The following CCNJL variants were observed in gnomAD, a reference collection of about 807,000 sequenced individuals.
CCNJL encodes cyclin J like, also known as cyclin-J-like protein.
In CCNJL, 33 loss-of-function variants were observed where a neutral mutation model predicts 33.4. That is an observed-to-expected ratio of 0.99 (90% CI 0.75 to 1.32). CCNJL has a LOEUF of 1.32. Among genes scored for constraint, CCNJL ranks in the 40% most tolerant of loss-of-function variants. The pLI, the probability that CCNJL is intolerant of heterozygous loss-of-function variation, is 0.00. For synonymous variants in CCNJL, 227 were observed against 220.9 expected, an observed-to-expected ratio of 1.03 and a Z score of -0.24; for missense variants, 512 against 499.7, an observed-to-expected ratio of 1.02 and a Z score of -0.23.
chr5:160,311,724 G>T (rs141323689), intron 2 of CCNJL, 134 bp downstream of exon 2: 3 of 776,060 alleles, frequency 3.9e-6, no homozygotes, highest in Admixed American at 4.0e-5. Flanking sequence ...CACTCCGGGA[G>T]AAGGTAAAGG....
Position 160,303,700 on chromosome 5 carries a change from C to CTGTGTGTG in CCNJL, c.66+8150_66+8157dup, listed in dbSNP as rs551491563. ...TTTCTTAAACAAATCCTCTGTGTGT[C>CTGTGTGTG]TGTGTGTGTGTGTGTGTGTGTGTGT... On this transcript the variant is annotated intron_variant, in intron 2 of 5. Coordinates refer to ENST00000257536, the MANE Select transcript of CCNJL (RefSeq NM_001308173.3). Among the ~76,000 whole-genome samples the CTGTGTGTG allele has an allele frequency of 8.2e-3, 856 of 104,260 alleles. 7 individuals carry two copies. Among genetic ancestry groups the CTGTGTGTG allele is most frequent in the East Asian group, 0.02 (80 of 4,072 alleles). 68.4% of individuals were successfully genotyped at this position (104,260 alleles called of 152,430 possible). A position where few individuals can be genotyped will look rare whatever the true frequency, so the allele number is the denominator to read the frequency against.
intron 3 of CCNJL, chr5:160,274,848 A>ACAGGCT (rs1761956083): frequency 6.6e-6 from 1 of 152,360 alleles, no homozygotes; most frequent in African/African-American, 2.4e-5. Context: ...TTTCTCAGGG[A>ACAGGCT]CAGGCTCAGG....
chr5:160,336,964 TCCTC>T (rs1053485570), intron 1 of CCNJL, among the ~76,000 whole-genome samples: 1 of 151,144 alleles, frequency 6.6e-6, no homozygotes, highest in Non-Finnish European at 1.5e-5. Context: ...ATTTTTTTTT[TCCTC>T]CCTCCCTCCC....
chr5:160,282,415 A>G (rs1580981932), intron 2 of CCNJL, among the ~76,000 whole-genome samples: 1 of 152,248 alleles, frequency 6.6e-6, no homozygotes. Context: ...GGTTTCTTAG[A>G]TATGACACTA....
At chr5:160,260,801 C>G (rs1761293672) in intron 3 of CCNJL, among the ~76,000 whole-genome samples, 1 of 152,152 alleles carries the variant, frequency 6.6e-6, no homozygotes, top group African/African-American at 2.4e-5. Flanking sequence ...TTCCCCATCC[C>G]CTCCTCACTC....
chr5:160,265,230 G>C (rs985417815), intron 3 of CCNJL, among the ~76,000 whole-genome samples: 12 of 152,278 alleles, frequency 7.9e-5, no homozygotes, highest in African/African-American at 2.9e-4. Flanking sequence ...ACCCATTCAG[G>C]GCTACCTGCT....
intron 3 of CCNJL, among the ~76,000 whole-genome samples, chr5:160,265,626 C>T (rs756965602): frequency 1.9e-4 from 28 of 149,444 alleles, no homozygotes; most frequent in Non-Finnish European, 2.9e-4. Context: ...CAGAGTGAGA[C>T]TCCATCTCAA....
At chr5:160,287,836 G>A (rs544704814) in intron 2 of CCNJL, among the ~76,000 whole-genome samples, 12 of 152,182 alleles carry the variant, frequency 7.9e-5, no homozygotes, top group Non-Finnish European at 1.6e-4. Context: ...AGCATGCCTG[G>A]CAGGGCCACA....
intron 2 of CCNJL, among the ~76,000 whole-genome samples, chr5:160,303,446 G>C (rs1762987394): frequency 6.6e-6 from 1 of 151,084 alleles, no homozygotes; most frequent in South Asian, 2.1e-4. Flanking sequence ...TCTCAAGTGA[G>C]CCACCTGCCT....
intron 2 of CCNJL, among the ~76,000 whole-genome samples, chr5:160,310,168 G>A (rs575588026): frequency 1.3e-5 from 2 of 152,304 alleles, no homozygotes; most frequent in Non-Finnish European, 2.9e-5. Context: ...AAACAAGGAA[G>A]CCCAATTTCC....
intron 3 of CCNJL, among the ~76,000 whole-genome samples, chr5:160,277,837 CT>C (rs202241005): frequency 0.014 from 2,068 of 151,650 alleles, 41 homozygotes; most frequent in African/African-American, 0.047. Context: ...CCTCCCTGTC[CT>C]GGGTTCAAGC....
intron 2 of CCNJL, among the ~76,000 whole-genome samples, chr5:160,297,140 A>G (rs1199724941): frequency 6.6e-6 from 1 of 152,220 alleles, no homozygotes; most frequent in Non-Finnish European, 1.5e-5. Context: ...ACATATGGCT[A>G]TAAGTGGTTT....
chr5:160,258,215 A>ATTT, intron 4 of CCNJL: 2 of 518,302 alleles, frequency 3.9e-6, no homozygotes, highest in Non-Finnish European at 3.5e-6. Flanking sequence ...TATCAACAGT[A>ATTT]TTTTTTTTTT....
At chr5:160,288,313 T>C (rs1266795308) in intron 2 of CCNJL, among the ~76,000 whole-genome samples, 1 of 152,128 alleles carries the variant, frequency 6.6e-6, no homozygotes, top group Non-Finnish European at 1.5e-5. Flanking sequence ...TTACTATGTT[T>C]TCAGTTTGGA....
At chr5:160,303,294 C>T (rs1762981639) in intron 2 of CCNJL, among the ~76,000 whole-genome samples, 1 of 152,150 alleles carries the variant, frequency 6.6e-6, no homozygotes, top group African/African-American at 2.4e-5. Flanking sequence ...CAACCTCCGT[C>T]TCCCGGGTTC....
chr5:160,251,275 AT>A lies in CCNJL; in HGVS notation c.*2102del, dbSNP rs1760794050. 6.6e-6 allele frequency: 1 copy of A among 152,218 alleles called. No individual in the cohort carries two copies. Among genetic ancestry groups the A allele is most frequent in the Non-Finnish European group, 1.5e-5 (1 of 68,036 alleles). 9.4% of individuals were successfully genotyped at this position (152,218 alleles called of 1,614,324 possible). ...TCCAGCCTGTGGGCCTGCCCTACAG[AT>A]TTTGAACTCTACTGCAACATCAGCT... On this transcript the variant is annotated 3_prime_UTR_variant, in exon 6 of 6. Transcript: ENST00000257536.
intron 3 of CCNJL, among the ~76,000 whole-genome samples, chr5:160,277,307 G>A (rs1195700228): frequency 6.6e-6 from 1 of 152,182 alleles, no homozygotes; most frequent in Non-Finnish European, 1.5e-5. Context: ...AGTAAGGAAG[G>A]AAGCCACAGC....
At chr5:160,275,446 T>G (rs1433231060) in intron 3 of CCNJL, among the ~76,000 whole-genome samples, 1 of 152,060 alleles carries the variant, frequency 6.6e-6, no homozygotes, top group Non-Finnish European at 1.5e-5. Flanking sequence ...GGGGAGAAAC[T>G]AATTTTTCAC....
At chr5:160,321,280 C>T (rs916596363) in intron 1 of CCNJL, among the ~76,000 whole-genome samples, 7 of 152,012 alleles carry the variant, frequency 4.6e-5, no homozygotes, top group African/African-American at 1.5e-4. Flanking sequence ...TTAACTTCAA[C>T]CCCCCTGAGC....
Sources: allele counts gnomAD v4.1 joint callset (sites outside exome capture counted in the v4.1 genomes callset), GRCh38; gene constraint gnomAD v4.1.1; transcripts MANE v1.5; gene names NCBI Gene and HGNC (gene_info 2026-07-23, HGNC 2026-07-21).